Variants in MMD observed in about 807,000 individuals in gnomAD.
The protein encoded by MMD is monocyte to macrophage differentiation associated, also known as monocyte to macrophage differentiation factor.
A neutral mutation model predicts 33.6 loss-of-function variants in MMD; 22 were observed. The ratio of observed to expected loss-of-function variants is 0.66; its 90% CI spans 0.47 to 0.94. MMD has a LOEUF of 0.94. Ranked by LOEUF, MMD falls within the 40% of genes least tolerant of loss-of-function variation. MMD has a pLI of 0.00. For missense variants in MMD, 242 were observed against 309.8 expected (o/e 0.78, Z 1.64); for synonymous variants, 97 against 103.2 (o/e 0.94, Z 0.36).
At chr17:55,412,717 AC>A (rs2143151823) in intron 2 of MMD, among the ~76,000 whole-genome samples, 1 of 152,352 alleles carries the variant, frequency 6.6e-6, no homozygotes, top group East Asian at 1.9e-4. Context: ...CAAAATTAGA[AC>A]ATTAAATACA....
chr17:55,407,419 T>A (rs1397391347), intron 4 of MMD, among the ~76,000 whole-genome samples: 1 of 152,158 alleles, frequency 6.6e-6, no homozygotes, highest in Non-Finnish European at 1.5e-5. Flanking sequence ...TTCTGAACAA[T>A]AGCAGAGGTA....
At chr17:55,396,867 G>A (rs529276114) in intron 6 of MMD, among the ~76,000 whole-genome samples, 3 of 151,574 alleles carry the variant, frequency 2.0e-5, no homozygotes, top group Admixed American at 2.0e-4. Context: ...CACCCACCTC[G>A]GCCTCCCAAA....
rs955681901 is a variant in MMD at position 55,394,701 on chromosome 17, T to C, written c.517-167A>G. ...AACCAAACATAAAAAAAGTCTCTTA[T>C]ACATCGACCTGGATTGCCCTTTGGA... On this transcript the variant is annotated intron_variant, in intron 6 of 6. Coordinates refer to ENST00000262065, the MANE Select transcript of MMD (RefSeq NM_012329.3). 7.9e-5 allele frequency among the ~76,000 whole-genome samples: 12 copies of C among 152,364 alleles called. No homozygotes were observed. The South Asian group carries it at 2.5e-3, about 32-fold the overall frequency.
In MMD at chr17:55,414,221, T is replaced by C; in HGVS notation, c.38A>G (p.His13Arg). 2 of 1,613,824 alleles carry C rather than the reference T, an allele frequency of 1.2e-6. No homozygotes were observed. The highest frequency in any genetic ancestry group is 1.7e-6 in the Non-Finnish European group (2 of 1,179,794). The change falls in exon 2 of 7, where the codon CAT becomes CGT. Residue 13 changes from histidine (H) to arginine (R), a missense_variant. Transcript: ENST00000262065. ...FKNRFQRFMN[H>R]RAPANGRYKP... is the part of the protein sequence containing the mutation. ...GTAGCGGCCATTGGCTGGAGCTCGA[T>C]GGTTCATGAACCTGTAAAAACAAAA...
intron 3 of MMD, among the ~76,000 whole-genome samples, chr17:55,409,744 G>A (rs1026414578): frequency 6.6e-6 from 1 of 152,148 alleles, no homozygotes. Flanking sequence ...CCTCTGGCAG[G>A]GAGACCCAGA....
intron 1 of MMD, among the ~76,000 whole-genome samples, chr17:55,415,293 T>G (rs1413620943): frequency 6.6e-6 from 1 of 151,866 alleles, no homozygotes; most frequent in Non-Finnish European, 1.5e-5. Context: ...AAAAAAAAAT[T>G]TCAACAGCAT....
intron 3 of MMD, among the ~76,000 whole-genome samples, chr17:55,408,473 T>C (rs1178350432): frequency 6.6e-6 from 1 of 152,202 alleles, no homozygotes; most frequent in East Asian, 1.9e-4. Context: ...GTCAGAGGTA[T>C]ATGTACAAAG....
rs368529090 is a variant in MMD at position 55,421,744 on chromosome 17, C to T, written c.-49G>A. 1.7e-5 allele frequency: 27 copies of T among 1,560,342 alleles called. No homozygotes were observed. Among genetic ancestry groups the T allele is most frequent in the Admixed American group, 2.0e-5 (1 of 48,944 alleles). On this transcript the variant is annotated 5_prime_UTR_variant, in exon 1 of 7. Coordinates refer to ENST00000262065, the MANE Select transcript of MMD (RefSeq NM_012329.3). ...GCCAGGAGCTCCGTCTCGTCAGCAC[C>T]GGCGGCCGGGCGCGCGGCCCTCATG...
In MMD at chr17:55,394,268, G is replaced by C; in HGVS notation, c.*66C>G. On this transcript the variant is annotated 3_prime_UTR_variant, in exon 7 of 7. Coordinates refer to ENST00000262065, the MANE Select transcript of MMD (RefSeq NM_012329.3). ...TTTTTCTTTCCCTGTGCAATGTTTA[G>C]CTCTCACCCCACTCCCAAGTGCCAT... 2 of 1,167,570 alleles carry C rather than the reference G, an allele frequency of 1.7e-6. No individual in the cohort carries two copies. The highest frequency in any genetic ancestry group is 2.3e-6 in the Non-Finnish European group (2 of 888,160). The allele number at this position is 1,167,570 out of a possible 1,614,324, so 72.3% of individuals were successfully genotyped here.
Position 55,411,292 on chromosome 17 carries a change from T to C in MMD, c.234A>G (p.Val78=). ...TCTTTTTCCATGATACAATGTGAAA[T>C]ACTGTAGAAACGATGAAGAGGGCAC... ...GLCALFIVST[V]FHIVSWKKSH... Residue 78 remains valine (V), a synonymous_variant, in exon 3 of 7, where the codon GTA becomes GTG. Transcript: ENST00000262065. 1 of 1,613,934 alleles carries C rather than the reference T, an allele frequency of 6.2e-7. No homozygotes were observed. The highest frequency in any genetic ancestry group is 8.5e-7 in the Non-Finnish European group (1 of 1,179,942).
chr17:55,402,379 G>A (rs1907382658), intron 5 of MMD, among the ~76,000 whole-genome samples: 1 of 152,112 alleles, frequency 6.6e-6, no homozygotes, highest in African/African-American at 2.4e-5. Flanking sequence ...GGCTCATCAC[G>A]TTAGACTACA....
chr17:55,411,049 A>G (rs773974929), intron 3 of MMD, among the ~76,000 whole-genome samples: 3 of 152,208 alleles, frequency 2.0e-5, no homozygotes, highest in South Asian at 2.1e-4. Context: ...GCAAAGGCCT[A>G]CCTTCTTAGA....
intron 6 of MMD, among the ~76,000 whole-genome samples, chr17:55,399,082 T>C (rs1907231255): frequency 6.6e-6 from 1 of 152,186 alleles, no homozygotes; most frequent in Admixed American, 6.5e-5. Flanking sequence ...ACCTGAACTG[T>C]AATTTCTGTT....
At chr17:55,398,549 T>A (rs1360226029) in intron 6 of MMD, among the ~76,000 whole-genome samples, 1 of 151,646 alleles carries the variant, frequency 6.6e-6, no homozygotes, top group African/African-American at 2.4e-5. Context: ...TATTATTTAT[T>A]TTATTACATT....
At chr17:55,406,562 T>C (rs1375460642) in intron 4 of MMD, among the ~76,000 whole-genome samples, 1 of 151,558 alleles carries the variant, frequency 6.6e-6, no homozygotes, top group Non-Finnish European at 1.5e-5. Context: ...AGTGAGACTC[T>C]GTCTCAAAAC....
intron 6 of MMD, among the ~76,000 whole-genome samples, chr17:55,395,666 T>C (rs1310136530): frequency 6.6e-6 from 1 of 152,200 alleles, no homozygotes; most frequent in East Asian, 1.9e-4. Context: ...TTGTGTGGGA[T>C]CAAAAGATGG....
At chr17:55,401,667 T>C in intron 5 of MMD, 129 bp from the exon 6 acceptor site, 2 of 701,270 alleles carry the variant, frequency 2.9e-6, no homozygotes, top group Non-Finnish European at 4.5e-6. Context: ...TAAAACTTTA[T>C]TTCTCAGTAG....
chr17:55,398,124 A>AAG (rs1330393749), intron 6 of MMD, among the ~76,000 whole-genome samples: 4 of 150,918 alleles, frequency 2.7e-5, no homozygotes, highest in African/African-American at 9.7e-5. Context: ...AAAAAAAAAA[A>AAG]AAAAAGAAAA....
At chr17:55,414,429 T>C in intron 1 of MMD, among the ~76,000 whole-genome samples, 197 bp from the exon 2 acceptor site, 1 of 152,010 alleles carries the variant, frequency 6.6e-6, no homozygotes, top group Non-Finnish European at 1.5e-5. Context: ...AATACCCTAG[T>C]TTATTAGATT....
Sources: gnomAD v4.1 joint callset for allele counts (sites outside exome capture counted in the v4.1 genomes callset) on GRCh38, gnomAD v4.1.1 for gene constraint, MANE v1.5 for transcripts, NCBI Gene and HGNC (gene_info 2026-07-23, HGNC 2026-07-21) for gene names.